The following RBFOX1 variants were observed in gnomAD, a reference collection of about 807,000 sequenced individuals.
RBFOX1 encodes RNA binding protein fox-1 homolog 1.
In RBFOX1, 8 loss-of-function variants were observed where a neutral mutation model predicts 57.7. The ratio of observed to expected loss-of-function variants is 0.14; its 90% CI spans 0.08 to 0.25. RBFOX1 has a LOEUF of 0.25. Ranked by LOEUF, RBFOX1 falls within the 10% of genes least tolerant of loss-of-function variation. The pLI is 1.00. For missense variants in RBFOX1, 611 were observed against 548.5 expected (o/e 1.11, Z -1.14); for synonymous variants, 326 against 222.4 (o/e 1.47, Z -4.15).
chr16:6,985,648 C>CA (rs1347679740), intron 3 of RBFOX1, among the ~76,000 whole-genome samples: 5 of 152,046 alleles, frequency 3.3e-5, no homozygotes, highest in Admixed American at 1.3e-4. Context: ...ACCAGCGTGG[C>CA]AAAACCCCAT....
At chr16:6,507,904 C>G (rs56041782) in intron 2 of RBFOX1, among the ~76,000 whole-genome samples, 46,925 of 151,874 alleles carry the variant, frequency 0.31, 8,032 homozygotes, top group Non-Finnish European at 0.39. Context: ...ATGTATTGTA[C>G]AAAATACACT....
At chr16:6,259,814 A>G (rs779766036) in intron 1 of RBFOX1, among the ~76,000 whole-genome samples, 1 of 152,052 alleles carries the variant, frequency 6.6e-6, no homozygotes, top group Non-Finnish European at 1.5e-5. Flanking sequence ...AAAAAAAAGT[A>G]GCCAGGCCTG....
chr16:6,400,377 A>C (rs2093019667), intron 2 of RBFOX1, among the ~76,000 whole-genome samples: 1 of 152,186 alleles, frequency 6.6e-6, no homozygotes, highest in Admixed American at 6.5e-5. Context: ...ATATCACAAG[A>C]GAAATTAGAA....
At chr16:7,466,236 C>G (rs964053318) in intron 4 of RBFOX1, among the ~76,000 whole-genome samples, 3 of 152,178 alleles carry the variant, frequency 2.0e-5, no homozygotes, top group Non-Finnish European at 2.9e-5. Context: ...ATCCTTACAG[C>G]TCTACTCTGA....
intron 2 of RBFOX1, among the ~76,000 whole-genome samples, chr16:6,537,081 C>T (rs1439766847): frequency 1.3e-5 from 2 of 152,134 alleles, no homozygotes; most frequent in African/African-American, 4.8e-5. Flanking sequence ...GAAACATGCT[C>T]TAATGAATTT....
chr16:7,513,917 A>G (rs2075774954), intron 4 of RBFOX1, among the ~76,000 whole-genome samples: 2 of 152,084 alleles, frequency 1.3e-5, no homozygotes, highest in East Asian at 3.9e-4. Flanking sequence ...TTTTTGCACC[A>G]TTTTCAATAT....
chr16:6,706,402 A>G (rs2062752261), intron 3 of RBFOX1, among the ~76,000 whole-genome samples: 1 of 152,250 alleles, frequency 6.6e-6, no homozygotes, highest in Non-Finnish European at 1.5e-5. Context: ...TTGGGGAATA[A>G]TCAAGGCTTA....
intron 3 of RBFOX1, among the ~76,000 whole-genome samples, chr16:6,844,982 C>A (rs141885654): frequency 1.3e-5 from 2 of 152,240 alleles, no homozygotes; most frequent in Admixed American, 6.5e-5. Context: ...TGTATGTCTT[C>A]TTTTGAGAAT....
chr16:5,328,247 G>T (rs2064641627), intron 1 of RBFOX1, among the ~76,000 whole-genome samples: 1 of 152,104 alleles, frequency 6.6e-6, no homozygotes, highest in South Asian at 2.1e-4. Flanking sequence ...CTTTTAAAGG[G>T]GCCCCTAATC....
chr16:7,062,892 CATTTTTTTTTT>C (rs1310985618), intron 4 of RBFOX1, among the ~76,000 whole-genome samples: 1 of 59,946 alleles, frequency 1.7e-5, no homozygotes, highest in Non-Finnish European at 3.3e-5. Flanking sequence ...AAATGATCGC[CATTTTTTTTTT>C]TTTTTTTTTT....
chr16:5,551,703 A>G (rs1427771786), intron 2 of RBFOX1, among the ~76,000 whole-genome samples: 1 of 152,004 alleles, frequency 6.6e-6, no homozygotes, highest in Non-Finnish European at 1.5e-5. Flanking sequence ...TACATGTGCC[A>G]TGGTAGTTTG....
rs2060797619 is a variant in RBFOX1, at chr16:7,630,604, C to T, written c.678C>T (p.Gly226=). 3 of 1,614,010 alleles carry T rather than the reference C, an allele frequency of 1.9e-6. No individual in the cohort carries two copies. Among genetic ancestry groups the T allele is most frequent in the Non-Finnish European group, 1.7e-6 (2 of 1,180,034 alleles). ...GAVYSPEFYA[G]TVLLCQANQE... is the part of the protein sequence containing the mutation. ...ACCATCTCTCTCTCTCTTTCGTAGG[C>T]ACGGTCCTGTTGTGCCAGGCCAACC... Residue 226 remains glycine, a splice_region_variant and synonymous_variant, in exon 11 of 16, where the codon GGC becomes GGT. Coordinates refer to ENST00000550418, the MANE Select transcript of RBFOX1 (RefSeq NM_018723.4).
At chr16:7,461,733 G>A (rs2150557817) in intron 4 of RBFOX1, among the ~76,000 whole-genome samples, 1 of 152,276 alleles carries the variant, frequency 6.6e-6, no homozygotes, top group South Asian at 2.1e-4. Flanking sequence ...GAGAAAGCTG[G>A]GGCTCACAGA....
At chr16:6,465,106 C>T (rs1283772915) in intron 2 of RBFOX1, among the ~76,000 whole-genome samples, 1 of 152,152 alleles carries the variant, frequency 6.6e-6, no homozygotes, top group Non-Finnish European at 1.5e-5. Context: ...AAACATTGTT[C>T]TTATGGAACT....
Position 6,381,986 on chromosome 16 carries a change from C to T in RBFOX1, c.-64+64929C>T, listed in dbSNP as rs527651372. ...TCTGCAAAGTTTTCCTGTAAAGGGC[C>T]ACACAGGAAATATTTCAGGCCTTTT... On this transcript the variant is annotated intron_variant, in intron 2 of 15. Coordinates refer to ENST00000550418, the MANE Select transcript of RBFOX1 (RefSeq NM_018723.4). Among the ~76,000 whole-genome samples the T allele has an allele frequency of 2.6e-5, 4 of 152,282 alleles. No individual in the cohort carries two copies. The South Asian group carries it at 8.3e-4, about 32-fold the overall frequency.
At chr16:6,684,487 C>G (rs767612390) in intron 3 of RBFOX1, among the ~76,000 whole-genome samples, 1 of 152,178 alleles carries the variant, frequency 6.6e-6, no homozygotes, top group Non-Finnish European at 1.5e-5. Flanking sequence ...TTAAGTCTTG[C>G]AAACATCATC....
Position 6,360,242 on chromosome 16 carries a change from A to AT in RBFOX1, c.-64+43196dup, listed in dbSNP as rs5815303. ...ATCATTGTGTAATATTTCTTTATAG[A>AT]TTTTTTTTTTTCCAATGTGGACCTG... On this transcript the variant is annotated intron_variant, in intron 2 of 15. Coordinates refer to ENST00000550418, the MANE Select transcript of RBFOX1 (RefSeq NM_018723.4). Among the ~76,000 whole-genome samples the AT allele has an allele frequency of 9.0e-3, 1,351 of 149,452 alleles. 23 individuals carry two copies. Among genetic ancestry groups the AT allele is most frequent in the African/African-American group, 0.028 (1,136 of 40,940 alleles).
chr16:7,118,855 C>T (rs2066488995), intron 4 of RBFOX1, among the ~76,000 whole-genome samples: 5 of 152,076 alleles, frequency 3.3e-5, no homozygotes, highest in Admixed American at 3.3e-4. Flanking sequence ...GAAGCATATA[C>T]CAAATAGAGC....
intron 4 of RBFOX1, among the ~76,000 whole-genome samples, chr16:7,292,195 C>T (rs1472917616): frequency 4.1e-4 from 47 of 113,256 alleles, no homozygotes; most frequent in Admixed American, 1.3e-3. Context: ...TGATATAGAA[C>T]GTATTATATA....
Sources: allele counts gnomAD v4.1 joint callset (sites outside exome capture counted in the v4.1 genomes callset), GRCh38; gene constraint gnomAD v4.1.1; transcripts MANE v1.5; gene names NCBI Gene and HGNC (gene_info 2026-07-23, HGNC 2026-07-21).